Variants in THSD7A observed in about 807,000 individuals in gnomAD.
The protein encoded by THSD7A is thrombospondin type-1 domain-containing protein 7A.
Under a neutral mutation model 231.3 loss-of-function variants are expected in THSD7A, and 96 were observed. That is an observed-to-expected ratio of 0.41 (90% confidence interval 0.35 to 0.49). The LOEUF (loss-of-function observed/expected upper bound fraction) is 0.49, where lower values mean the gene tolerates loss of function less well. Among genes scored for constraint, THSD7A ranks in the 20% least tolerant of loss-of-function variants. The pLI is 0.05. For missense variants in THSD7A, 2,290 were observed against 2,070.2 expected, an observed-to-expected ratio of 1.11 and a Z score of -2.06; for synonymous variants, 940 against 743.3, an observed-to-expected ratio of 1.26 and a Z score of -4.30.
At chr7:11,728,248 C>A (rs1277296775) in intron 1 of THSD7A, among the ~76,000 whole-genome samples, 1 of 151,984 alleles carries the variant, frequency 6.6e-6, no homozygotes. Flanking sequence ...GTGGAAATCT[C>A]ACTCAGTTCA....
chr7:11,514,780 T>C (rs1447419885), intron 6 of THSD7A, among the ~76,000 whole-genome samples: 2 of 152,166 alleles, frequency 1.3e-5, no homozygotes, highest in Admixed American at 1.3e-4. Flanking sequence ...TAATTAAAAA[T>C]AAATGACTGT....
chr7:11,808,629 T>C (rs1784454769), intron 1 of THSD7A, among the ~76,000 whole-genome samples: 1 of 152,156 alleles, frequency 6.6e-6, no homozygotes, highest in African/African-American at 2.4e-5. Context: ...GGCTTGAGAT[T>C]TGTTGTGTTA....
intron 1 of THSD7A, among the ~76,000 whole-genome samples, chr7:11,731,441 C>T (rs1426277068): frequency 2.6e-5 from 4 of 151,642 alleles, no homozygotes; most frequent in African/African-American, 9.6e-5. Context: ...ATTTATAAGT[C>T]ATAAAATTAA....
At chr7:11,648,077 T>C (rs1395487884) in intron 1 of THSD7A, among the ~76,000 whole-genome samples, 1 of 152,130 alleles carries the variant, frequency 6.6e-6, no homozygotes, top group African/African-American at 2.4e-5. Context: ...TAGACTTCTG[T>C]ATTTCTAATC....
chr7:11,417,745 T>C (rs1784010789), intron 16 of THSD7A, 142 bp from the exon 17 acceptor site: 8 of 782,194 alleles, frequency 1.0e-5, no homozygotes, highest in Non-Finnish European at 1.3e-5. Context: ...GGAAGCTTTG[T>C]TATCTAATAA....
At chr7:11,560,946 T>C (rs1790052113) in intron 4 of THSD7A, among the ~76,000 whole-genome samples, 1 of 152,194 alleles carries the variant, frequency 6.6e-6, no homozygotes, top group South Asian at 2.1e-4. Context: ...TGCCAGGAAA[T>C]GTCACACTGT....
chr7:11,749,345 A>C (rs181763775), intron 1 of THSD7A, among the ~76,000 whole-genome samples: 1 of 151,938 alleles, frequency 6.6e-6, no homozygotes, highest in African/African-American at 2.4e-5. Context: ...CACCCCCCAC[A>C]TATCTCCCCC....
In THSD7A at chr7:11,634,976, C is replaced by T. The variant is rs146222619; in HGVS notation, c.1022+1154G>A. ...AAATCAGGTGAGAAAAAAAATAAAG[C>T]TAAATAAAGCTAAAGATATGTTAAT... On this transcript the variant is annotated intron_variant, in intron 2 of 27. Transcript: ENST00000423059. This position sits in a 1 kb window ranked among gnomAD's most constrained non-coding sequence, Gnocchi z 4.1. Among the ~76,000 whole-genome samples the T allele has an allele frequency of 6.6e-6, 1 of 151,708 alleles. No individual in the cohort carries two copies. Among genetic ancestry groups the T allele is most frequent in the African/African-American group, 2.4e-5 (1 of 41,368 alleles).
intron 14 of THSD7A, 53 bp from the exon 15 acceptor site, chr7:11,426,724 A>G: frequency 6.6e-7 from 1 of 1,526,492 alleles, no homozygotes; most frequent in Non-Finnish European, 8.8e-7. Context: ...AAGGTAGGTG[A>G]AAATGTCAGT....
chr7:11,558,290 G>T (rs1216515182), intron 4 of THSD7A, among the ~76,000 whole-genome samples: 2 of 152,042 alleles, frequency 1.3e-5, no homozygotes, highest in Non-Finnish European at 2.9e-5. Flanking sequence ...GGCAACTACA[G>T]GAAAAAGTAC....
chr7:11,541,680 T>C, intron 5 of THSD7A, 49 bp from the exon 6 acceptor site: 2 of 1,542,540 alleles, frequency 1.3e-6, no homozygotes, highest in South Asian at 1.2e-5. Flanking sequence ...AAAGGTTTAG[T>C]ATTTCAGAAA....
At chr7:11,791,349 C>T (rs981767907) in intron 1 of THSD7A, among the ~76,000 whole-genome samples, 1 of 151,976 alleles carries the variant, frequency 6.6e-6, no homozygotes, top group African/African-American at 2.4e-5. Context: ...GGAAATTTTA[C>T]TGGACTGCTT....
intron 9 of THSD7A, among the ~76,000 whole-genome samples, chr7:11,468,985 G>C (rs1054989783): frequency 1.3e-5 from 2 of 151,922 alleles, no homozygotes; most frequent in Non-Finnish European, 2.9e-5. Flanking sequence ...CACAGTAAAA[G>C]TATCCATTAT....
chr7:11,801,002 C>G (rs1034475533), intron 1 of THSD7A, among the ~76,000 whole-genome samples: 2 of 151,976 alleles, frequency 1.3e-5, no homozygotes, highest in African/African-American at 4.8e-5. Context: ...TGTCCAAACT[C>G]ATTAAGACAT....
rs544467694 is a variant in THSD7A at position 11,720,921 on chromosome 7, T to C, written c.191-83960A>G. Reference sequence around the variant, plus strand: ...TCTACTCTACCCACCCCTTAACTGATGGTATTCTTTAGGGCTCTGTTTAGT... The same window carrying C: ...TCTACTCTACCCACCCCTTAACTGACGGTATTCTTTAGGGCTCTGTTTAGT... On this transcript the variant is annotated intron_variant, in intron 1 of 27. Transcript: ENST00000423059. 5.9e-5 allele frequency among the ~76,000 whole-genome samples: 9 copies of C among 151,844 alleles called. No individual in the cohort carries two copies. In the South Asian group the frequency reaches 1.7e-3, roughly 28 times the overall value.
At chr7:11,569,298 C>T (rs938890078) in intron 4 of THSD7A, among the ~76,000 whole-genome samples, 7 of 152,112 alleles carry the variant, frequency 4.6e-5, no homozygotes, top group African/African-American at 1.4e-4. Flanking sequence ...AAGGCACTAA[C>T]GTCTAGAATA....
intron 1 of THSD7A, among the ~76,000 whole-genome samples, chr7:11,767,141 A>T (rs1434770175): frequency 1.3e-5 from 2 of 152,158 alleles, no homozygotes; most frequent in African/African-American, 4.8e-5. Flanking sequence ...TAGTTCATGA[A>T]CATAAGGAGA....
chr7:11,656,119 T>C (rs1019308719), intron 1 of THSD7A, among the ~76,000 whole-genome samples: 1 of 151,870 alleles, frequency 6.6e-6, no homozygotes, highest in African/African-American at 2.4e-5. Flanking sequence ...ATTTTACAGT[T>C]CAAAATTGAC....
At chr7:11,780,298 T>TA (rs1255456002) in intron 1 of THSD7A, among the ~76,000 whole-genome samples, 1 of 152,190 alleles carries the variant, frequency 6.6e-6, no homozygotes, top group East Asian at 1.9e-4. Context: ...TGTCTTCATA[T>TA]AGTTTCTTCC....
Sources: allele counts gnomAD v4.1 joint callset (sites outside exome capture counted in the v4.1 genomes callset), GRCh38; gene constraint gnomAD v4.1.1; non-coding constraint Gnocchi (gnomAD v3.1); transcripts MANE v1.5; gene names NCBI Gene and HGNC (gene_info 2026-07-23, HGNC 2026-07-21).